The following RTEL1 variants were observed in gnomAD, a reference collection of about 807,000 sequenced individuals.
RTEL1 encodes the protein regulator of telomere length.
A neutral mutation model predicts 162.2 loss-of-function variants in RTEL1; 86 were observed. The ratio of observed to expected loss-of-function variants is 0.53; its 90% CI spans 0.45 to 0.63. RTEL1 has a LOEUF of 0.63. RTEL1 is among the 30% of genes least tolerant of loss of function. The pLI is 0.00. For missense variants in RTEL1, 1,941 were observed against 1,750.2 expected, an observed-to-expected ratio of 1.11 and a Z score of -1.95; for synonymous variants, 958 against 717.9, an observed-to-expected ratio of 1.33 and a Z score of -5.35.
intron 19 of RTEL1, 30 bp from the exon 20 acceptor site, chr20:63,688,271 C>G (rs151220176): frequency 1.2e-6 from 2 of 1,610,372 alleles, no homozygotes; most frequent in African/African-American, 1.3e-5. Flanking sequence ...CATCCTGCCC[C>G]TGCCTTGACC....
chr20:63,685,731 T>C (rs1304477713), intron 15 of RTEL1, 60 bp from the exon 16 acceptor site: 2 of 1,588,790 alleles, frequency 1.3e-6, no homozygotes, highest in South Asian at 1.1e-5. Flanking sequence ...TCCTAAAAGG[T>C]AAGGGGCTGC....
intron 8 of RTEL1, among the ~76,000 whole-genome samples, chr20:63,671,552 A>C (rs2090241856): frequency 6.8e-6 from 1 of 146,392 alleles, no homozygotes; most frequent in South Asian, 2.2e-4. Flanking sequence ...TGCGATCTCC[A>C]CTCACTGCAA....
chr20:63,667,051 G>A (rs11696198), intron 7 of RTEL1, among the ~76,000 whole-genome samples: 72,537 of 150,634 alleles, frequency 0.48, 18,245 homozygotes, highest in Middle Eastern at 0.62. Flanking sequence ...GTGTTAGCCA[G>A]GATGGTCTCG....
intron 2 of RTEL1, 139 bp downstream of exon 2, chr20:63,659,643 C>G (rs1333999525): frequency 2.9e-6 from 2 of 700,996 alleles, no homozygotes; most frequent in African/African-American, 3.5e-5. Context: ...GGCTGGTGTT[C>G]CAGGTGGGGT....
chr20:63,682,594 C>T (rs943709391), intron 14 of RTEL1: 2 of 985,816 alleles, frequency 2.0e-6, no homozygotes, highest in East Asian at 1.1e-4. Context: ...TGCCAGCCCT[C>T]GGGTGCCTGG....
intron 14 of RTEL1, chr20:63,681,744 C>A (rs567532566): frequency 1.0e-6 from 1 of 985,216 alleles, no homozygotes; most frequent in Non-Finnish European, 1.2e-6. Context: ...AGGCTCAGCC[C>A]TCCCTCCACT....
chr20:63,680,167 C>T (rs1390437053), intron 13 of RTEL1, among the ~76,000 whole-genome samples: 2 of 152,212 alleles, frequency 1.3e-5, no homozygotes, highest in Admixed American at 6.5e-5. Context: ...CGTCCTACAG[C>T]CTCATCCCAT....
chr20:63,694,354 T>C lies in RTEL1; in HGVS notation c.2993-18T>C. On this transcript the variant is annotated intron_variant, in intron 30 of 34. Coordinates refer to ENST00000360203, the MANE Select transcript of RTEL1 (RefSeq NM_001283009.2). ...AGATGCTCTCGACCAGCTTTGTGGCTCTACATCTCTTCATCAGGAAGAACG... is the reference window on the plus strand; with the variant it reads ...AGATGCTCTCGACCAGCTTTGTGGCCCTACATCTCTTCATCAGGAAGAACG... The C allele has an allele frequency of 7.7e-7, 1 of 1,291,250 alleles. No homozygotes were observed. The highest frequency in any genetic ancestry group is 1.9e-5 in the Admixed American group (1 of 52,084). 80.0% of individuals were successfully genotyped at this position (1,291,250 alleles called of 1,614,324 possible). A position where few individuals can be genotyped will look rare whatever the true frequency, so the allele number is the denominator to read the frequency against.
chr20:63,683,351 C>T (rs2090516586), intron 14 of RTEL1, among the ~76,000 whole-genome samples: 1 of 152,236 alleles, frequency 6.6e-6, no homozygotes, highest in African/African-American at 2.4e-5. Context: ...TGAACTTGTT[C>T]TGTTACTTCC....
intron 14 of RTEL1, 23 bp downstream of exon 14, chr20:63,680,742 A>T (rs1024985716): frequency 6.2e-7 from 1 of 1,612,932 alleles, no homozygotes; most frequent in Non-Finnish European, 8.5e-7. Flanking sequence ...CCTCTGTGGC[A>T]TCTCCTTCCC....
chr20:63,662,770 C>T (rs1417399920), intron 5 of RTEL1, 59 bp from the exon 6 acceptor site: 6 of 1,605,008 alleles, frequency 3.7e-6, no homozygotes, highest in Non-Finnish European at 5.1e-6. Context: ...GGGGTGGGGA[C>T]TGGCTTCGGT....
intron 14 of RTEL1, among the ~76,000 whole-genome samples, chr20:63,684,632 C>G (rs183960035): frequency 6.6e-6 from 1 of 151,984 alleles, no homozygotes; most frequent in Non-Finnish European, 1.5e-5. Flanking sequence ...CATGAGCCAC[C>G]GTGCCCAGCC....
At chr20:63,691,222 C>T (rs2090733723) in intron 27 of RTEL1, among the ~76,000 whole-genome samples, 1 of 152,116 alleles carries the variant, frequency 6.6e-6, no homozygotes, top group Middle Eastern at 3.4e-3. Flanking sequence ...GTCAGCTTGG[C>T]TCAGTGCACT....
intron 1 of RTEL1, among the ~76,000 whole-genome samples, chr20:63,658,970 C>T (rs1333955487): frequency 6.6e-6 from 1 of 152,198 alleles, no homozygotes; most frequent in African/African-American, 2.4e-5. Flanking sequence ...TCAGCCCTCA[C>T]GCTCTTGTGG....
intron 27 of RTEL1, 105 bp downstream of exon 27, chr20:63,691,052 C>T (rs1165173528): frequency 8.0e-7 from 1 of 1,245,332 alleles, no homozygotes; most frequent in Non-Finnish European, 1.1e-6. Context: ...CCCTGTAAAT[C>T]CCCTGCCTGG....
intron 30 of RTEL1, among the ~76,000 whole-genome samples, chr20:63,693,507 ACCTCC>A (rs2090850784): frequency 1.4e-4 from 1 of 7,264 alleles, no homozygotes; most frequent in African/African-American, 6.0e-4. Flanking sequence ...CTCCACCACC[ACCTCC>A]TCCACCACCA....
intron 8 of RTEL1, among the ~76,000 whole-genome samples, chr20:63,671,478 A>G (rs1415731704): frequency 1.3e-5 from 2 of 151,592 alleles, no homozygotes; most frequent in Non-Finnish European, 2.9e-5. Flanking sequence ...TGAACATCTT[A>G]ATGTGTGAAA....
Position 63,693,003 on chromosome 20 carries a change from G to C in RTEL1, c.2851G>C (p.Gly951Arg). 3.7e-6 allele frequency: 6 copies of C among 1,612,530 alleles called. No individual in the cohort carries two copies. Among genetic ancestry groups the C allele is most frequent in the Non-Finnish European group, 5.1e-6 (6 of 1,179,774 alleles). The change falls in exon 29 of 35, where the codon GGC (glycine) becomes CGC (arginine). Residue 951 changes from glycine (G) to arginine (R), a missense_variant and splice_region_variant. Transcript: ENST00000360203. Reference protein sequence around the residue: ...EDPKKHNLLQGFYQFVRPHHK... With the variant: ...EDPKKHNLLQRFYQFVRPHHK... ...CCCCAAGAAGCACAACCTGCTCCAA[G>C]GTGCCCTGGCTTGCAGAGGCCACCC... is the stretch of plus-strand genomic sequence containing the variant.
intron 26 of RTEL1, among the ~76,000 whole-genome samples, 165 bp from the exon 27 acceptor site, chr20:63,690,640 G>C (rs549114875): frequency 2.5e-4 from 38 of 152,206 alleles, no homozygotes; most frequent in Admixed American, 2.3e-3. Context: ...GAACGCCCCA[G>C]GCAAGGATGC....
Sources: gnomAD v4.1 joint callset for allele counts (sites outside exome capture counted in the v4.1 genomes callset) on GRCh38, gnomAD v4.1.1 for gene constraint, MANE v1.5 for transcripts, NCBI Gene and HGNC (gene_info 2026-07-23, HGNC 2026-07-21) for gene names.